The following RBKS variants were observed in gnomAD, a reference collection of about 807,000 sequenced individuals.
RBKS encodes ribokinase.
In RBKS, 33 loss-of-function variants were observed where a neutral mutation model predicts 33.9. The ratio of observed to expected loss-of-function variants is 0.97; its 90% CI spans 0.74 to 1.30. RBKS has a LOEUF of 1.30. RBKS is among the 50% of genes most tolerant of loss of function. RBKS has a pLI of 0.00. For missense variants in RBKS, 361 were observed against 392.6 expected, an observed-to-expected ratio of 0.92 and a Z score of 0.68; for synonymous variants, 125 against 143.0, an observed-to-expected ratio of 0.87 and a Z score of 0.90.
chr2:27,782,010 A>T (rs1677297218), intron 7 of RBKS, among the ~76,000 whole-genome samples: 1 of 152,224 alleles, frequency 6.6e-6, no homozygotes, highest in South Asian at 2.1e-4. Context: ...AGTGAACTTC[A>T]TACTTTTTTC....
rs190128259 is a variant in RBKS, at chr2:27,781,557, G to A, written c.*58C>T. 23 of 1,393,862 alleles carry A rather than the reference G, an allele frequency of 1.7e-5. No individual in the cohort carries two copies. In the Admixed American group the frequency reaches 5.2e-4, roughly 31 times the overall value. The allele number at this position is 1,393,862 out of a possible 1,614,324, so 86.3% of individuals were successfully genotyped here. A position where few individuals can be genotyped will look rare whatever the true frequency, so the allele number is the denominator to read the frequency against. ...ATTTTCTAATAAGCATTAGCCAGGA[G>A]CAGCCACCCCCAAGTACATTTTATT... On this transcript the variant is annotated 3_prime_UTR_variant, in exon 8 of 8. Coordinates refer to ENST00000302188, the MANE Select transcript of RBKS (RefSeq NM_022128.3).
At chr2:27,879,947 T>G (rs1012631612) in intron 1 of RBKS, among the ~76,000 whole-genome samples, 2 of 152,014 alleles carry the variant, frequency 1.3e-5, no homozygotes, top group Admixed American at 6.6e-5. Context: ...CTGAAACTAT[T>G]CCAAAAAACT....
intron 1 of RBKS, among the ~76,000 whole-genome samples, chr2:27,883,461 A>T (rs1021153145): frequency 3.9e-5 from 6 of 152,046 alleles, no homozygotes; most frequent in Non-Finnish European, 8.8e-5. Flanking sequence ...GGCCTCCCAA[A>T]GTGCTGGGAT....
chr2:27,837,286 A>C lies in RBKS; in HGVS notation c.515-4509T>G, dbSNP rs550878386. 6.6e-5 allele frequency among the ~76,000 whole-genome samples: 10 copies of C among 150,888 alleles called. No individual in the cohort carries two copies. The East Asian group carries it at 1.9e-3, about 29-fold the overall frequency. On this transcript the variant is annotated intron_variant, in intron 5 of 7. Coordinates refer to ENST00000302188, the MANE Select transcript of RBKS (RefSeq NM_022128.3). This position sits in a 1 kb window ranked among gnomAD's most constrained non-coding sequence, Gnocchi z 4.0. The stretch of plus-strand genomic sequence containing the variant: ...GAGACTCCATCTCAAAAAACAAAAC[A>C]AAACAAAACGAAACAAAAAACAAAA...
intron 6 of RBKS, among the ~76,000 whole-genome samples, chr2:27,829,290 G>T (rs1354100698): frequency 6.6e-6 from 1 of 151,664 alleles, no homozygotes; most frequent in African/African-American, 2.4e-5. Flanking sequence ...TCATTTGCAG[G>T]CTCACTTTAC....
At chr2:27,850,437 C>A (rs1400513939) in intron 2 of RBKS, among the ~76,000 whole-genome samples, 1 of 152,164 alleles carries the variant, frequency 6.6e-6, no homozygotes, top group African/African-American at 2.4e-5. Context: ...GTACTATACA[C>A]AATAGTTTCA....
chr2:27,890,157 T>C lies in RBKS; in HGVS notation c.89+100A>G. 9.2e-7 allele frequency: 1 copy of C among 1,091,522 alleles called. No homozygotes were observed. 67.6% of individuals were successfully genotyped at this position (1,091,522 alleles called of 1,614,324 possible). A position where few individuals can be genotyped will look rare whatever the true frequency, so the allele number is the denominator to read the frequency against. On this transcript the variant is annotated intron_variant, in intron 1 of 7. Transcript: ENST00000302188. This position sits in a 1 kb window ranked among gnomAD's most constrained non-coding sequence, Gnocchi z 4.8. ...GCTCATACCCAAAGCTAGCACTGTC[T>C]ATCCCTGGAGACCCAGCGCCCAAAA...
At chr2:27,870,970 G>A (rs1664198389) in intron 1 of RBKS, 1 of 445,008 alleles carries the variant, frequency 2.2e-6, no homozygotes, top group Non-Finnish European at 4.6e-6. Context: ...GCGTATCACA[G>A]TGACTCATTA....
intron 1 of RBKS, among the ~76,000 whole-genome samples, chr2:27,866,130 T>A (rs1020973555): frequency 6.6e-6 from 1 of 152,176 alleles, no homozygotes; most frequent in African/African-American, 2.4e-5. Flanking sequence ...TAAATTCTTT[T>A]ATTTTCCTAA....
chr2:27,861,414 A>G (rs1663981803), intron 1 of RBKS: 12 of 457,336 alleles, frequency 2.6e-5, no homozygotes, highest in South Asian at 1.9e-4. Context: ...ATATTTTACC[A>G]GATCTTGCCC....
intron 7 of RBKS, among the ~76,000 whole-genome samples, chr2:27,799,318 G>A (rs533406583): frequency 6.6e-5 from 10 of 152,258 alleles, no homozygotes; most frequent in Non-Finnish European, 1.5e-5. Flanking sequence ...CAAGAATGAC[G>A]TCACTACCAA....
At chr2:27,831,970 G>C (rs1284159033) in intron 6 of RBKS, among the ~76,000 whole-genome samples, 5 of 152,166 alleles carry the variant, frequency 3.3e-5, no homozygotes, top group Admixed American at 2.6e-4. Flanking sequence ...TTCTCTCCAT[G>C]TTGCCTTTAC....
rs775304476 is a variant in RBKS at position 27,843,160 on chromosome 2, T to C, written c.421A>G (p.Asn141Asp). ...ATGACTTTGGCTCTGCTAATGACAT[T>C]GGCTGCTGCCCTCAGATCCTCCGTA... is the stretch of plus-strand genomic sequence containing the variant. The part of the protein sequence containing the change: ...LNTEDLRAAA[N>D]VISRAKVMVC... The change falls in exon 5 of 8, where the codon AAT (asparagine) becomes GAT (aspartate). Residue 141 changes from asparagine (N) to aspartate (D), a missense_variant. Transcript: ENST00000302188. 1.2e-6 allele frequency: 2 copies of C among 1,613,246 alleles called. No homozygotes were observed. Among genetic ancestry groups the C allele is most frequent in the Non-Finnish European group, 1.7e-6 (2 of 1,179,576 alleles).
intron 2 of RBKS, among the ~76,000 whole-genome samples, chr2:27,855,022 A>G (rs1235792209): frequency 2.6e-5 from 4 of 152,100 alleles, no homozygotes; most frequent in Non-Finnish European, 5.9e-5. Context: ...AAGAAGGTAG[A>G]TCTCAAGTTA....
chr2:27,849,559 C>CAAAAAAAAAAAAAAAAAAAAAAAAAAA (rs70953894), intron 2 of RBKS, among the ~76,000 whole-genome samples: 20 of 28,592 alleles, frequency 7.0e-4, no homozygotes, highest in East Asian at 1.4e-3. Flanking sequence ...GACTCTGTCT[C>CAAAAAAAAAAAAAAAAAAAAAAAAAAA]AAAAAAAAAA....
At position 27,890,178 on chromosome 2, in the gene RBKS, C is replaced by T; in HGVS notation, c.89+79G>A. The T allele has an allele frequency of 1.4e-6, 2 of 1,414,862 alleles. No individual in the cohort carries two copies. The highest frequency in any genetic ancestry group is 2.0e-6 in the Non-Finnish European group (2 of 1,013,886). 87.6% of individuals were successfully genotyped at this position (1,414,862 alleles called of 1,614,324 possible). The stretch of plus-strand genomic sequence containing the variant: ...TGTCTATCCCTGGAGACCCAGCGCC[C>T]AAAAGCTCCACTGGGCGCATAGCGC... On this transcript the variant is annotated intron_variant, in intron 1 of 7. Transcript: ENST00000302188. This position sits in a 1 kb window ranked among gnomAD's most constrained non-coding sequence, Gnocchi z 4.8.
intron 7 of RBKS, chr2:27,809,639 C>T (rs554553184): frequency 4.7e-4 from 119 of 253,766 alleles, no homozygotes; most frequent in African/African-American, 7.7e-4. Flanking sequence ...AGACAGAAAA[C>T]AGTTAATCCA....
At position 27,833,742 on chromosome 2, in the gene RBKS, C is replaced by T. The variant is rs116770939; in HGVS notation, c.515-965G>A. 6.3e-3 allele frequency among the ~76,000 whole-genome samples: 966 copies of T among 152,276 alleles called. 7 individuals are homozygous for T. Among genetic ancestry groups the T allele is most frequent in the Non-Finnish European group, 7.9e-3 (538 of 68,020 alleles). On this transcript the variant is annotated intron_variant, in intron 5 of 7. Coordinates refer to ENST00000302188, the MANE Select transcript of RBKS (RefSeq NM_022128.3). Reference sequence around the variant, plus strand: ...TTTTAAAACACCCTTTGGTTTGGGACTTCGTAAATGTAGATATATATATAT... The same window carrying T: ...TTTTAAAACACCCTTTGGTTTGGGATTTCGTAAATGTAGATATATATATAT...
rs1009227879 is a variant in RBKS, at chr2:27,795,218, C to T, written c.796-13430G>A. ...TGCTGATGGACCGTCTCTCAGTTGC[C>T]CCAGTCTCCACCTTCTCACCAGATG... On this transcript the variant is annotated intron_variant, in intron 7 of 7. Transcript: ENST00000302188. The surrounding 1 kb of genome is among the most constrained non-coding windows in gnomAD (Gnocchi z 4.1). Among the ~76,000 whole-genome samples the T allele has an allele frequency of 6.6e-6, 1 of 152,102 alleles. No individual in the cohort carries two copies. The highest frequency in any genetic ancestry group is 2.1e-4 in the South Asian group (1 of 4,822).
Sources: gnomAD v4.1 joint callset for allele counts (sites outside exome capture counted in the v4.1 genomes callset) on GRCh38, gnomAD v4.1.1 for gene constraint, Gnocchi (gnomAD v3.1) non-coding constraint, MANE v1.5 for transcripts, NCBI Gene and HGNC (gene_info 2026-07-23, HGNC 2026-07-21) for gene names.